Variants in CP observed in about 807,000 individuals in gnomAD.
The protein encoded by CP is ceruloplasmin.
CP carries 64 observed loss-of-function variants against 122.4 expected under a neutral mutation model. The ratio of observed to expected loss-of-function variants is 0.52; its 90% CI spans 0.43 to 0.64. The LOEUF (loss-of-function observed/expected upper bound fraction) is 0.64, where lower values mean the gene tolerates loss of function less well. CP is among the 30% of genes least tolerant of loss of function. The probability of loss-of-function intolerance (pLI) is 0.00; values close to 1 mark genes in which losing one functional copy is unlikely to be tolerated. For missense variants in CP, 1,167 were observed against 1,284.4 expected (o/e 0.91, Z 1.40); for synonymous variants, 440 against 436.4 (o/e 1.01, Z -0.10).
chr3:149,190,227 T>C (rs1317407538), intron 9 of CP, among the ~76,000 whole-genome samples: 1 of 151,952 alleles, frequency 6.6e-6, no homozygotes, highest in African/African-American at 2.4e-5. Flanking sequence ...AATACCACAT[T>C]AGAAATGAGA....
chr3:149,208,599 T>C (rs1190577542), intron 4 of CP, among the ~76,000 whole-genome samples: 1 of 152,218 alleles, frequency 6.6e-6, no homozygotes, highest in Non-Finnish European at 1.5e-5. Context: ...CTTATTGGTC[T>C]AGTTGTTGTT....
Position 149,199,716 on chromosome 3 carries a change from G to A in CP, c.1497C>T (p.Ser499=). The A allele has an allele frequency of 6.2e-7, 1 of 1,614,056 alleles. No homozygotes were observed. The highest frequency in any genetic ancestry group is 2.2e-5 in the East Asian group (1 of 44,878). The part of the protein sequence containing the change: ...TYYSPNYNPQ[S]RSVPPSASHV... ...TACACAGTGCTGTATACTCACTTCT[G>A]CTCTGGGGGTTGTAATTTGGGGAAT... The change falls in exon 8 of 19, where the codon AGC becomes AGT. Residue 499 remains serine (S), a synonymous_variant. Transcript: ENST00000264613.
At chr3:149,187,744 G>A (rs1315698056) in intron 10 of CP, among the ~76,000 whole-genome samples, 12 of 152,154 alleles carry the variant, frequency 7.9e-5, no homozygotes, top group East Asian at 5.8e-4. Flanking sequence ...CCAAAGTTTC[G>A]GACTTTGTAG....
At chr3:149,198,274 T>G in intron 9 of CP, 93 bp downstream of exon 9, 2 of 984,336 alleles carry the variant, frequency 2.0e-6, no homozygotes. Context: ...TAAAGTATTT[T>G]TGGAGATAAT....
intron 11 of CP, chr3:149,186,057 G>A (rs943518713): frequency 5.9e-5 from 11 of 187,576 alleles, no homozygotes; most frequent in Admixed American, 2.1e-4. Context: ...TGTTTTACTC[G>A]TTCAGAGCCA....
chr3:149,209,224 A>G lies in CP; in HGVS notation c.768T>C (p.Ser256=). 6.2e-7 allele frequency: 1 copy of G among 1,613,586 alleles called. No homozygotes were observed. Among genetic ancestry groups the G allele is most frequent in the Middle Eastern group, 1.7e-4 (1 of 6,058 alleles). Residue 256 remains serine, a synonymous_variant, in exon 4 of 19, where the codon AGT becomes AGC. Transcript: ENST00000264613. ...CTGTAATCTTACAATACATTCTGTT[A>G]CTCTCCTGGAAGTCTTCGTTGTCTT... ...VDKDNEDFQE[S]NRMYSVNGYT... is the part of the protein sequence containing the mutation.
chr3:149,210,407 A>G (rs1254567225), intron 2 of CP, 28 bp from the exon 3 acceptor site: 1 of 1,587,678 alleles, frequency 6.3e-7, no homozygotes, highest in Admixed American at 1.7e-5. Flanking sequence ...ATGAAGGTGC[A>G]AAGTGAATGT....
Position 149,179,641 on chromosome 3 carries a change from C to T in CP, c.2576G>A (p.Trp859Ter), listed in dbSNP as rs1338118501. 1.2e-6 allele frequency: 2 copies of T among 1,609,832 alleles called. No homozygotes were observed. Among genetic ancestry groups the T allele is most frequent in the Non-Finnish European group, 1.7e-6 (2 of 1,177,636 alleles). ...AGCTCCAGATCTTTCTGGGATTTTCCATACGTAAGTGAGAGTTTCACCTAA... is the reference window on the plus strand; with the variant it reads ...AGCTCCAGATCTTTCTGGGATTTTCTATACGTAAGTGAGAGTTTCACCTAA... ...TLPGETLTYV[W>*]KIPERSGAGT... is the part of the protein sequence containing the mutation. Residue 859 changes from tryptophan (W) to a stop codon, truncating the protein, a stop_gained, in exon 15 of 19, where the codon TGG (tryptophan) becomes TAG (stop). Coordinates refer to ENST00000264613, the MANE Select transcript of CP (RefSeq NM_000096.4). LOFTEE classifies it high-confidence loss of function.
intron 3 of CP, 46 bp downstream of exon 3, chr3:149,210,121 C>T: frequency 6.4e-7 from 1 of 1,566,280 alleles, no homozygotes; most frequent in South Asian, 1.1e-5. Flanking sequence ...ACTGCCCTGC[C>T]CCTGTCTTTT....
In CP at chr3:149,162,734, A is replaced by G. The variant is rs777957241; in HGVS notation, c.*155T>C. 6.2e-7 allele frequency: 1 copy of G among 1,614,050 alleles called. No homozygotes were observed. The highest frequency in any genetic ancestry group is 1.1e-5 in the South Asian group (1 of 91,082). On this transcript the variant is annotated 3_prime_UTR_variant, in exon 6 of 6. Coordinates refer to the CP transcript ENST00000479771. ...AAGATACAATTCCTCAGCTCTTGGT[A>G]GACTTTTGGGAAGCTCAGCTAGTGG...
At chr3:149,199,899 G>C in intron 7 of CP, 35 bp from the exon 8 acceptor site, 1 of 1,604,724 alleles carries the variant, frequency 6.2e-7, no homozygotes, top group Non-Finnish European at 8.5e-7. Context: ...TCCTTCCTTG[G>C]TATGTAACAT....
At chr3:149,198,193 GTTATTAT>G (rs1727025282) in intron 9 of CP, among the ~76,000 whole-genome samples, 167 bp downstream of exon 9, 1 of 152,134 alleles carries the variant, frequency 6.6e-6, no homozygotes, top group African/African-American at 2.4e-5. Flanking sequence ...TATGATGTGT[GTTATTAT>G]TATTTTAAGG....
At position 149,212,521 on chromosome 3, in the gene CP, G is replaced by C. The variant is rs1294895069; in HGVS notation, c.324C>G (p.His108Gln). ...KAETGDKVYV[H>Q]LKNLASRPYT... The stretch of plus-strand genomic sequence containing the variant: ...AGGGCCTAGAGGCAAGGTTTTTTAA[G>C]TGTACATAAACTTTATCTCCAGTTT... The change falls in exon 2 of 19, where the codon CAC becomes CAG. Residue 108 changes from histidine to glutamine, a missense_variant. His to Gln is a conservative substitution (Grantham distance 24). Coordinates refer to ENST00000264613, the MANE Select transcript of CP (RefSeq NM_000096.4). 3.1e-6 allele frequency: 5 copies of C among 1,613,912 alleles called. No individual in the cohort carries two copies. Among genetic ancestry groups the C allele is most frequent in the Non-Finnish European group, 4.2e-6 (5 of 1,179,928 alleles).
rs561176132 is a variant in CP at position 149,208,564 on chromosome 3, A to G, written c.781+647T>C. 2.6e-5 allele frequency among the ~76,000 whole-genome samples: 4 copies of G among 152,306 alleles called. No homozygotes were observed. The East Asian group carries it at 7.7e-4, about 29-fold the overall frequency. ...ACAGGTTATTTTGAAGAAGTTAAAC[A>G]CAAACAAATAAACGAAAATATCTAC... On this transcript the variant is annotated intron_variant, in intron 4 of 18. Coordinates refer to ENST00000264613, the MANE Select transcript of CP (RefSeq NM_000096.4).
intron 1 of CP, among the ~76,000 whole-genome samples, chr3:149,213,378 T>A (rs1029418227): frequency 2.0e-5 from 3 of 152,248 alleles, no homozygotes; most frequent in African/African-American, 4.8e-5. Flanking sequence ...CATTAATAGT[T>A]GCTTAAAACT....
intron 16 of CP, 68 bp from the exon 17 acceptor site, chr3:149,178,047 A>G: frequency 7.2e-7 from 1 of 1,391,522 alleles, no homozygotes. Context: ...TTCAAAGAAA[A>G]TATGATTATT....
At chr3:149,183,074 A>C (rs10935742) in intron 13 of CP, among the ~76,000 whole-genome samples, 28,682 of 151,984 alleles carry the variant, frequency 0.19, 5,338 homozygotes, top group African/African-American at 0.49. Flanking sequence ...TCACTTGAGC[A>C]CAGGAGCGGC....
At chr3:149,171,894 A>G (rs1725026076), downstream of CP, among the ~76,000 whole-genome samples, 1 of 151,830 alleles carries the variant, frequency 6.6e-6, no homozygotes, top group South Asian at 2.1e-4. Context: ...TTTAGTAGAG[A>G]CAGGGTTTCA....
At chr3:149,214,340 A>G (rs1728310169) in intron 1 of CP, among the ~76,000 whole-genome samples, 1 of 152,168 alleles carries the variant, frequency 6.6e-6, no homozygotes, top group South Asian at 2.1e-4. Flanking sequence ...TGAAAATAAG[A>G]GTCACCATTC....
Sources: allele counts gnomAD v4.1 joint callset (sites outside exome capture counted in the v4.1 genomes callset), GRCh38; gene constraint gnomAD v4.1.1; transcripts MANE v1.5; gene names NCBI Gene and HGNC (gene_info 2026-07-23, HGNC 2026-07-21).